Variants in SPAST observed in about 807,000 individuals in gnomAD.
The protein encoded by SPAST is spastic paraplegia 4 (autosomal dominant; spastin).
Under a neutral mutation model 76.6 loss-of-function variants are expected in SPAST, and 30 were observed. The observed-to-expected ratio is 0.39, with a 90% CI of 0.29 to 0.53. The LOEUF is 0.53. SPAST is among the 20% of genes least tolerant of loss of function. The pLI is 0.68. For missense variants in SPAST, 717 were observed against 770.5 expected, an observed-to-expected ratio of 0.93 and a Z score of 0.82; for synonymous variants, 305 against 281.0, an observed-to-expected ratio of 1.09 and a Z score of -0.86.
intron 1 of SPAST, among the ~76,000 whole-genome samples, chr2:32,083,975 C>T (rs769654553): frequency 6.7e-6 from 1 of 149,212 alleles, no homozygotes; most frequent in Non-Finnish European, 1.5e-5. Context: ...GGTGGAGTTT[C>T]GCCATGTTGT....
chr2:32,113,773 G>T (rs562212945), intron 4 of SPAST, among the ~76,000 whole-genome samples: 1 of 151,370 alleles, frequency 6.6e-6, no homozygotes, highest in South Asian at 2.1e-4. Flanking sequence ...CACCATGTTG[G>T]CCAGCCTGGT....
chr2:32,091,852 A>C (rs7569264), intron 3 of SPAST, among the ~76,000 whole-genome samples: 33,849 of 151,060 alleles, frequency 0.22, 4,192 homozygotes, highest in East Asian at 0.45. Context: ...AAAATAAAAT[A>C]AATAGATAAA....
intron 1 of SPAST, among the ~76,000 whole-genome samples, chr2:32,076,794 T>C (rs1231385645): frequency 1.3e-5 from 2 of 152,150 alleles, no homozygotes; most frequent in Non-Finnish European, 2.9e-5. Flanking sequence ...GCTCCTTGGC[T>C]TAAGTGATCT....
chr2:32,123,467 A>G (rs781011894), intron 7 of SPAST, among the ~76,000 whole-genome samples: 6 of 152,180 alleles, frequency 3.9e-5, no homozygotes, highest in Non-Finnish European at 7.4e-5. Flanking sequence ...CCAAGTTCAT[A>G]TATCGATTCA....
intron 2 of SPAST, among the ~76,000 whole-genome samples, chr2:32,088,460 C>T (rs1380735339): frequency 1.3e-5 from 2 of 152,202 alleles, no homozygotes; most frequent in African/African-American, 4.8e-5. Context: ...GCCTGATCAA[C>T]ATGGAGAAAC....
intron 7 of SPAST, among the ~76,000 whole-genome samples, chr2:32,121,834 G>C (rs936467181): frequency 9.9e-5 from 15 of 152,260 alleles, no homozygotes; most frequent in African/African-American, 3.6e-4. Context: ...ATGAGCCACC[G>C]TGCCCAGCCC....
chr2:32,143,402 G>C lies in SPAST; in HGVS notation c.1603G>C (p.Ala535Pro). The change falls in exon 14 of 17, where the codon GCA becomes CCA. Residue 535 changes from alanine to proline, a missense_variant. Ala to Pro is a conservative substitution (Grantham distance 27). Transcript: ENST00000315285. ...QGSPLTQKEL[A>P]QLARMTDGYS... Reference sequence around the variant, plus strand: ...AAGTCCATTGACCCAAAAAGAACTAGCACAACTTGCTAGGTGAGTAATTTG... The same window carrying C: ...AAGTCCATTGACCCAAAAAGAACTACCACAACTTGCTAGGTGAGTAATTTG... The C allele has an allele frequency of 6.2e-7, 1 of 1,603,938 alleles. No homozygotes were observed. The highest frequency in any genetic ancestry group is 8.5e-7 in the Non-Finnish European group (1 of 1,171,680).
At chr2:32,105,203 G>A (rs1435758825) in intron 4 of SPAST, among the ~76,000 whole-genome samples, 1 of 151,868 alleles carries the variant, frequency 6.6e-6, no homozygotes, top group African/African-American at 2.4e-5. Context: ...TCATTCATTT[G>A]ATCTTCAATC....
chr2:32,127,318 A>G (rs1679228764), intron 8 of SPAST: 2 of 378,096 alleles, frequency 5.3e-6, no homozygotes, highest in Non-Finnish European at 1.0e-5. Flanking sequence ...GGATTTCGCC[A>G]TGTTGGCCAG....
rs1381763873 is a variant in SPAST, at chr2:32,101,487, T to C, written c.682+2596T>C. On this transcript the variant is annotated intron_variant, in intron 4 of 16. Coordinates refer to ENST00000315285, the MANE Select transcript of SPAST (RefSeq NM_014946.4). Reference sequence around the variant, plus strand: ...TTTAATTAGATCCCATTTGTCAATTTTGGCTTTTGTTGCCATTGCTTTTGG... The same window carrying C: ...TTTAATTAGATCCCATTTGTCAATTCTGGCTTTTGTTGCCATTGCTTTTGG... 2.0e-5 allele frequency among the ~76,000 whole-genome samples: 3 copies of C among 152,238 alleles called. No individual in the cohort carries two copies. In the East Asian group the frequency reaches 5.8e-4, roughly 29 times the overall value.
intron 16 of SPAST, among the ~76,000 whole-genome samples, chr2:32,149,256 A>ATTTTTTTTTTTT (rs59020104): frequency 3.2e-5 from 4 of 123,602 alleles, no homozygotes; most frequent in Non-Finnish European, 6.5e-5. Flanking sequence ...CGCCCAGCTA[A>ATTTTTTTTTTTT]TTTTTTTTTT....
chr2:32,110,655 TATA>T (rs1395473715), intron 4 of SPAST, among the ~76,000 whole-genome samples: 2 of 137,324 alleles, frequency 1.5e-5, no homozygotes, highest in African/African-American at 5.5e-5. Context: ...GTATATATAG[TATA>T]GTATATATAG....
intron 1 of SPAST, chr2:32,065,962 A>G (rs992966876): frequency 6.7e-6 from 1 of 150,130 alleles, no homozygotes; most frequent in African/African-American, 2.5e-5. Flanking sequence ...TTTTTTGTTA[A>G]CTGCTCCATT....
At chr2:32,126,741 C>T (rs753754414) in intron 7 of SPAST, 14 of 512,726 alleles carry the variant, frequency 2.7e-5, no homozygotes, top group Non-Finnish European at 4.2e-5. Flanking sequence ...CCTGTCTTTG[C>T]CCCCTAAAGT....
At chr2:32,122,043 G>A (rs1679038714) in intron 7 of SPAST, among the ~76,000 whole-genome samples, 1 of 152,144 alleles carries the variant, frequency 6.6e-6, no homozygotes, top group Non-Finnish European at 1.5e-5. Flanking sequence ...TAAAAAAGTT[G>A]ATTAGGACTC....
At position 32,157,580 on chromosome 2, in the gene SPAST, T is replaced by G. The variant is rs1228048831; in HGVS notation, c.*3084T>G. 1 of 152,620 alleles carries G rather than the reference T, an allele frequency of 6.6e-6. No individual in the cohort carries two copies. The highest frequency in any genetic ancestry group is 1.5e-5 in the Non-Finnish European group (1 of 68,038). 9.5% of individuals were successfully genotyped at this position (152,620 alleles called of 1,614,324 possible). A position where few individuals can be genotyped will look rare whatever the true frequency, so the allele number is the denominator to read the frequency against. On this transcript the variant is annotated 3_prime_UTR_variant, in exon 17 of 17. Transcript: ENST00000315285. ...TCTTCAGAAGAAATGAATTAAAGGG[T>G]ACAGTTGCATAAAGTGGGTTTTTAT...
chr2:32,138,991 C>T (rs1225261649), intron 12 of SPAST, among the ~76,000 whole-genome samples: 2 of 151,998 alleles, frequency 1.3e-5, no homozygotes, highest in African/African-American at 4.8e-5. Context: ...CTTTATTTCT[C>T]AATTTTCTGT....
chr2:32,089,218 T>TTTTTTTTTTTTTTTTTTTTTTTTTTTTC (rs375850129), intron 2 of SPAST, among the ~76,000 whole-genome samples: 1 of 129,998 alleles, frequency 7.7e-6, no homozygotes. Flanking sequence ...TTTTTTTTTT[T>TTTTTTTTTTTTTTTTTTTTTTTTTTTTC]AAGTAGAGAC....
chr2:32,135,800 C>T (rs1235760140), intron 9 of SPAST, among the ~76,000 whole-genome samples: 2 of 152,062 alleles, frequency 1.3e-5, no homozygotes, highest in Admixed American at 6.6e-5. Flanking sequence ...AAATTTCCCT[C>T]TCCAAATAGG....
Sources: gnomAD v4.1 joint callset for allele counts (sites outside exome capture counted in the v4.1 genomes callset) on GRCh38, gnomAD v4.1.1 for gene constraint, MANE v1.5 for transcripts, NCBI Gene and HGNC (gene_info 2026-07-23, HGNC 2026-07-21) for gene names.